DLGAP2: variants seen among roughly 807,000 people sequenced by gnomAD.
DLGAP2 encodes disks large-associated protein 2.
Under a neutral mutation model 100.3 loss-of-function variants are expected in DLGAP2, and 26 were observed. The observed-to-expected ratio is 0.26, with a 90% CI of 0.19 to 0.36. The LOEUF (loss-of-function observed/expected upper bound fraction) is 0.36, where lower values mean the gene tolerates loss of function less well. Ranked by LOEUF, DLGAP2 falls within the 10% of genes least tolerant of loss-of-function variation. DLGAP2 has a pLI of 1.00. For synonymous variants in DLGAP2, 886 were observed against 630.1 expected, an observed-to-expected ratio of 1.41 and a Z score of -6.08; for missense variants, 1,858 against 1,453.2, an observed-to-expected ratio of 1.28 and a Z score of -4.53.
At chr8:752,139 AC>A (rs1208344427) in intron 1 of DLGAP2, among the ~76,000 whole-genome samples, 1 of 152,038 alleles carries the variant, frequency 6.6e-6, no homozygotes, top group East Asian at 1.9e-4. Flanking sequence ...GGTTGCCTGC[AC>A]CCCCTTCTCC....
At chr8:1,252,402 C>T (rs1279426134) in intron 2 of DLGAP2, among the ~76,000 whole-genome samples, 6 of 152,112 alleles carry the variant, frequency 3.9e-5, no homozygotes, top group Admixed American at 6.5e-5. Flanking sequence ...TTGTGTTGTC[C>T]TGGGTGACGG....
chr8:1,572,371 T>G (rs1802757058), intron 6 of DLGAP2, among the ~76,000 whole-genome samples: 1 of 82,818 alleles, frequency 1.2e-5, no homozygotes. Context: ...GAGGGTGAAC[T>G]GTGGGTTGTC....
Position 1,565,813 on chromosome 8 carries a change from C to T in DLGAP2, c.1361C>T (p.Pro454Leu), listed in dbSNP as rs1217084240. 6 of 1,613,618 alleles carry T rather than the reference C, an allele frequency of 3.7e-6. No homozygotes were observed. Among genetic ancestry groups the T allele is most frequent in the East Asian group, 2.2e-5 (1 of 44,860 alleles). Residue 454 changes from proline (P) to leucine (L), a missense_variant, in exon 6 of 15, where the codon CCC (proline) becomes CTC (leucine). Transcript: ENST00000637795. ...DEESGESDSS[P>L]KTSPKSAILP... ...GAGAGCGGAGAGTCAGACTCCAGCC[C>T]CAAGACATCACCAAAGTCGGCAATC...
At chr8:999,249 C>T (rs896840005) in intron 2 of DLGAP2, among the ~76,000 whole-genome samples, 8 of 151,788 alleles carry the variant, frequency 5.3e-5, no homozygotes, top group African/African-American at 1.9e-4. Context: ...TGCTTGTTTT[C>T]ATTTGGTGTT....
intron 3 of DLGAP2, among the ~76,000 whole-genome samples, chr8:1,494,425 G>C (rs1282296866): frequency 2.0e-5 from 3 of 152,162 alleles, no homozygotes; most frequent in South Asian, 2.1e-4. Context: ...CACGGGGCAG[G>C]TCTTTAAGAA....
chr8:1,525,286 C>T (rs941707908), intron 4 of DLGAP2, among the ~76,000 whole-genome samples: 2 of 149,676 alleles, frequency 1.3e-5, no homozygotes, highest in South Asian at 2.1e-4. Context: ...TCAAACCAGG[C>T]TTCTGACAAG....
At chr8:1,258,293 A>G (rs1047653268) in intron 2 of DLGAP2, among the ~76,000 whole-genome samples, 1 of 152,236 alleles carries the variant, frequency 6.6e-6, no homozygotes, top group Non-Finnish European at 1.5e-5. Context: ...GTTCACCTAT[A>G]TACAATTAAG....
chr8:1,112,676 G>T (rs769541862), intron 2 of DLGAP2, among the ~76,000 whole-genome samples: 1 of 152,112 alleles, frequency 6.6e-6, no homozygotes, highest in Admixed American at 6.5e-5. Flanking sequence ...TTGTCTGTTC[G>T]CTCTGATGAT....
At chr8:1,212,259 G>A (rs191351821) in intron 2 of DLGAP2, among the ~76,000 whole-genome samples, 1 of 152,282 alleles carries the variant, frequency 6.6e-6, no homozygotes, top group African/African-American at 2.4e-5. Context: ...ATCTCACCAG[G>A]GAAAGAAGGG....
At chr8:1,380,950 A>AC (rs937899818) in intron 3 of DLGAP2, 7 of 139,404 alleles carry the variant, frequency 5.0e-5, no homozygotes, top group South Asian at 2.1e-4. Context: ...AAAAAAAAAA[A>AC]AAAAAAAAAA....
At chr8:1,382,609 G>T (rs1198109813) in intron 3 of DLGAP2, among the ~76,000 whole-genome samples, 1 of 152,106 alleles carries the variant, frequency 6.6e-6, no homozygotes, top group African/African-American at 2.4e-5. Context: ...CAGTGCAGTG[G>T]TGTGTGCCTG....
In DLGAP2 at chr8:1,227,153, G is replaced by GATAGATATATATATATATATATATATAT. The variant is rs796173465; in HGVS notation, c.74-31695_74-31694insGATATATATATATATATATATATATATA. On this transcript the variant is annotated intron_variant, in intron 2 of 14. Transcript: ENST00000637795. ...AAATGAATGGGTAAGGAAACTGTGA[G>GATAGATATATATATATATATATATATAT]ATATATATATATATATATATAGTAT... Among the ~76,000 whole-genome samples the GATAGATATATATATATATATATATATAT allele has an allele frequency of 2.0e-3, 182 of 89,640 alleles. 4 individuals carry two copies. The highest frequency in any genetic ancestry group is 6.6e-3 in the East Asian group (15 of 2,288). 58.8% of individuals were successfully genotyped at this position (89,640 alleles called of 152,430 possible).
chr8:1,204,552 G>C (rs1299476504), intron 2 of DLGAP2, among the ~76,000 whole-genome samples: 6 of 148,940 alleles, frequency 4.0e-5, no homozygotes, highest in Non-Finnish European at 7.4e-5. Context: ...GTGTGTGTGT[G>C]TATATGTCTA....
At chr8:813,275 C>A (rs1052758289) in intron 1 of DLGAP2, among the ~76,000 whole-genome samples, 2 of 150,798 alleles carry the variant, frequency 1.3e-5, no homozygotes, top group African/African-American at 4.9e-5. Flanking sequence ...GAAAAAAAAA[C>A]CAAAATGCTG....
At chr8:1,252,690 G>A (rs568689154) in intron 2 of DLGAP2, among the ~76,000 whole-genome samples, 11 of 152,374 alleles carry the variant, frequency 7.2e-5, no homozygotes, top group African/African-American at 2.2e-4. Context: ...TAGCGAGGCC[G>A]CCGGGTGTCA....
intron 3 of DLGAP2, among the ~76,000 whole-genome samples, chr8:1,315,170 G>T (rs945505648): frequency 6.6e-5 from 10 of 152,222 alleles, no homozygotes; most frequent in Non-Finnish European, 1.5e-4. Context: ...GAAATAACTT[G>T]CGATAATTCC....
intron 2 of DLGAP2, among the ~76,000 whole-genome samples, chr8:941,846 CT>C (rs932615598): frequency 4.0e-5 from 6 of 151,536 alleles, no homozygotes; most frequent in African/African-American, 1.5e-4. Context: ...TCCTCCCTTT[CT>C]TTTTTTCCTC....
chr8:1,269,162 C>T (rs1257537223), intron 3 of DLGAP2, among the ~76,000 whole-genome samples: 1 of 152,202 alleles, frequency 6.6e-6, no homozygotes, highest in East Asian at 1.9e-4. Flanking sequence ...TTCTCCGGGC[C>T]ATGTTCGTTG....
intron 1 of DLGAP2, among the ~76,000 whole-genome samples, chr8:855,771 C>T (rs982697746): frequency 7.2e-5 from 11 of 152,180 alleles, no homozygotes; most frequent in African/African-American, 2.7e-4. Context: ...TTGATGTAAT[C>T]ATCGCATCAG....
Sources: allele counts gnomAD v4.1 joint callset (sites outside exome capture counted in the v4.1 genomes callset), GRCh38; gene constraint gnomAD v4.1.1; transcripts MANE v1.5; gene names NCBI Gene and HGNC (gene_info 2026-07-23, HGNC 2026-07-21).